C12orf42: variants seen among roughly 807,000 people sequenced by gnomAD.
The protein encoded by C12orf42 is uncharacterized protein C12orf42.
Under a neutral mutation model 21.6 loss-of-function variants are expected in C12orf42, and 25 were observed. The ratio of observed to expected loss-of-function variants is 1.16; its 90% CI spans 0.84 to 1.62. The LOEUF (loss-of-function observed/expected upper bound fraction) is 1.62, where lower values mean the gene tolerates loss of function less well. Ranked by LOEUF, C12orf42 falls within the 40% of genes most tolerant of loss-of-function variation. The pLI is 0.00. For synonymous variants in C12orf42, 174 were observed against 175.0 expected (o/e 0.99, Z 0.05); for missense variants, 483 against 459.3 (o/e 1.05, Z -0.47).
chr12:103,242,048 G>A (rs1010907615), intron 10 of C12orf42, among the ~76,000 whole-genome samples: 2 of 152,120 alleles, frequency 1.3e-5, no homozygotes, highest in African/African-American at 2.4e-5. Flanking sequence ...GCTTTGAGAG[G>A]AGCATTTTCT....
At chr12:103,534,763 G>C in the C12orf42 span, among the ~76,000 whole-genome samples, 2 of 152,094 alleles carry the variant, frequency 1.3e-5, no homozygotes, top group Non-Finnish European at 2.9e-5. Context: ...CTTTTGCTCA[G>C]ACTATCTTTT....
At chr12:103,188,563 T>C in the C12orf42 span, among the ~76,000 whole-genome samples, 1 of 152,216 alleles carries the variant, frequency 6.6e-6, no homozygotes, top group African/African-American at 2.4e-5. Flanking sequence ...GAGAAGGGCC[T>C]AGTGGGAGGT....
At chr12:103,118,880 T>C in the C12orf42 span, among the ~76,000 whole-genome samples, 116 of 152,064 alleles carry the variant, frequency 7.6e-4, 1 homozygote, top group Non-Finnish European at 3.2e-4. Context: ...ATACTTTACA[T>C]TTCTGTGATT....
intron 4 of C12orf42, among the ~76,000 whole-genome samples, chr12:103,294,320 A>G (rs1158510355): frequency 6.6e-6 from 1 of 150,932 alleles, no homozygotes; most frequent in African/African-American, 2.4e-5. Flanking sequence ...GCATGGGAGT[A>G]TGGAAGAAGC....
intron 4 of C12orf42, among the ~76,000 whole-genome samples, chr12:103,316,328 C>A (rs1234371526): frequency 6.6e-6 from 1 of 151,860 alleles, no homozygotes; most frequent in Admixed American, 6.6e-5. Flanking sequence ...AAAACACCAA[C>A]CCAGAATTCT....
chr12:103,388,512 G>T (rs188263591), intron 3 of C12orf42, among the ~76,000 whole-genome samples: 1 of 152,226 alleles, frequency 6.6e-6, no homozygotes, highest in East Asian at 1.9e-4. Context: ...CCTTGAAAAT[G>T]GGATTCTACT....
upstream of C12orf42, among the ~76,000 whole-genome samples, chr12:103,498,034 CA>C (rs371302297): frequency 7.2e-3 from 963 of 133,004 alleles, 6 homozygotes; most frequent in African/African-American, 0.021. Context: ...GACTCCATCT[CA>C]AAAAAAAAAA....
intron 4 of C12orf42, among the ~76,000 whole-genome samples, chr12:103,365,317 A>G (rs892874589): frequency 1.3e-5 from 2 of 152,130 alleles, no homozygotes; most frequent in Non-Finnish European, 2.9e-5. Context: ...CATACAAGTG[A>G]CATGCCTCAA....
At chr12:103,534,968 T>A in the C12orf42 span, among the ~76,000 whole-genome samples, 1 of 152,322 alleles carries the variant, frequency 6.6e-6, no homozygotes, top group East Asian at 1.9e-4. Flanking sequence ...AACCACAACA[T>A]GTGCAAGTAT....
At chr12:103,552,183 G>A in the C12orf42 span, among the ~76,000 whole-genome samples, 1 of 152,194 alleles carries the variant, frequency 6.6e-6, no homozygotes. Flanking sequence ...ACATGCTGTA[G>A]AAAATTAGGT....
intron 4 of C12orf42, among the ~76,000 whole-genome samples, chr12:103,351,298 G>C (rs1443491243): frequency 1.3e-5 from 2 of 152,084 alleles, no homozygotes; most frequent in Non-Finnish European, 2.9e-5. Context: ...ACGCCAACCT[G>C]TAACCTATCC....
chr12:103,089,600 A>T, the C12orf42 span, among the ~76,000 whole-genome samples: 2 of 146,536 alleles, frequency 1.4e-5, no homozygotes, highest in Non-Finnish European at 3.0e-5. Flanking sequence ...TAGAGATTTT[A>T]TTAAGAGGGT....
chr12:103,379,458 A>C (rs1434514562), intron 3 of C12orf42, among the ~76,000 whole-genome samples: 1 of 152,076 alleles, frequency 6.6e-6, no homozygotes, highest in Non-Finnish European at 1.5e-5. Context: ...AGGAAAAAAA[A>C]ATACTAACTT....
At chr12:103,308,138 T>G (rs1260897942) in intron 4 of C12orf42, among the ~76,000 whole-genome samples, 1 of 152,196 alleles carries the variant, frequency 6.6e-6, no homozygotes, top group Non-Finnish European at 1.5e-5. Context: ...TCTAGGAATA[T>G]TCTAACTATT....
chr12:103,177,892 A>T, the C12orf42 span, among the ~76,000 whole-genome samples: 2 of 151,964 alleles, frequency 1.3e-5, no homozygotes, highest in Non-Finnish European at 2.9e-5. Context: ...CGCTAACAGC[A>T]GTGCATCTCT....
chr12:103,233,810 T>C (rs902752803), downstream of C12orf42, among the ~76,000 whole-genome samples: 3 of 152,158 alleles, frequency 2.0e-5, no homozygotes, highest in Non-Finnish European at 4.4e-5. Context: ...TCCATATACA[T>C]TTATTTTGTT....
chr12:103,407,771 T>C (rs954275739), intron 2 of C12orf42, among the ~76,000 whole-genome samples: 1 of 152,128 alleles, frequency 6.6e-6, no homozygotes, highest in Non-Finnish European at 1.5e-5. Flanking sequence ...CCCAATCCCA[T>C]AGTGATTTAA....
At chr12:103,270,379 A>AGGGAGGGC in intron 5 of C12orf42, 1 of 128,052 alleles carries the variant, frequency 7.8e-6, no homozygotes. Context: ...GAAGGAAGGA[A>AGGGAGGGC]GGGAGGGAGG....
the C12orf42 span, among the ~76,000 whole-genome samples, chr12:103,224,360 G>A: frequency 1.9e-4 from 29 of 152,266 alleles, no homozygotes; most frequent in African/African-American, 6.5e-4. Context: ...TCTAAGAGGC[G>A]GGCTAGTGGC....
Sources: allele counts gnomAD v4.1 joint callset (sites outside exome capture counted in the v4.1 genomes callset), GRCh38; gene constraint gnomAD v4.1.1; transcripts MANE v1.5; gene names NCBI Gene and HGNC (gene_info 2026-07-23, HGNC 2026-07-21).